The following PUDP variants were observed in gnomAD, a reference collection of about 807,000 sequenced individuals.
PUDP encodes pseudouridine 5'-phosphatase, also known as pseudouridine-5'-phosphatase.
A neutral mutation model predicts 9.4 loss-of-function variants in PUDP; 8 were observed. The observed-to-expected ratio is 0.85, with a 90% CI of 0.50 to 1.53. PUDP has a LOEUF of 1.53. Among genes scored for constraint, PUDP ranks in the 40% most tolerant of loss-of-function variants. The probability of loss-of-function intolerance (pLI) is 0.00; values close to 1 mark genes in which losing one functional copy is unlikely to be tolerated. For missense variants in PUDP, 188 were observed against 189.7 expected, an observed-to-expected ratio of 0.99 and a Z score of 0.05; for synonymous variants, 99 against 80.7, an observed-to-expected ratio of 1.23 and a Z score of -1.22.
chrX:6,889,490 T>C (rs1927481335), intron 3 of PUDP, among the ~76,000 whole-genome samples: 1 of 111,793 alleles, frequency 8.9e-6, no homozygotes, highest in Non-Finnish European at 1.9e-5. Flanking sequence ...TATCTTTCTA[T>C]TGAATTTGAT....
intron 3 of PUDP, among the ~76,000 whole-genome samples, chrX:6,777,306 C>T (rs1484427947): frequency 8.9e-6 from 1 of 111,941 alleles, no homozygotes; most frequent in African/African-American, 3.2e-5. Flanking sequence ...AGAACTTGTG[C>T]AGAAAGCCCT....
At chrX:6,924,779 T>TA (rs1266492832) in intron 3 of PUDP, among the ~76,000 whole-genome samples, 2 of 112,548 alleles carry the variant, frequency 1.8e-5, no homozygotes, top group East Asian at 2.8e-4. Context: ...TTGCATTTCT[T>TA]AAAAAAACAA....
chrX:7,130,347 C>T (rs1178638004), intron 1 of PUDP, among the ~76,000 whole-genome samples: 1 of 105,175 alleles, frequency 9.5e-6, no homozygotes, highest in East Asian at 3.0e-4. Flanking sequence ...GAGCTGCTCC[C>T]TTTGTATCAG....
At chrX:6,752,781 G>A (rs748636966) in intron 3 of PUDP, among the ~76,000 whole-genome samples, 1 of 111,073 alleles carries the variant, frequency 9.0e-6, no homozygotes, top group South Asian at 3.9e-4. Context: ...GGAAGAAGAG[G>A]GAAAAGATAT....
intron 3 of PUDP, among the ~76,000 whole-genome samples, chrX:6,794,396 A>G (rs1174156465): frequency 9.0e-6 from 1 of 111,719 alleles, no homozygotes; most frequent in East Asian, 2.8e-4. Flanking sequence ...CGGTTCCCCT[A>G]TATAGGGCAT....
rs750053455 is a variant in PUDP at position 6,970,659 on chromosome X, G to A, written c.*247+6474C>T. ...CAGGTGGCTCCAAACACAGACTTTC[G>A]GGATCTCATTTAGATGTATTAATAT... On this transcript the variant is annotated intron_variant and NMD_transcript_variant, in intron 3 of 3. Transcript: ENST00000655425. 1.2e-3 allele frequency among the ~76,000 whole-genome samples: 130 copies of A among 111,647 alleles called. 1 individual carries two copies. Among genetic ancestry groups the A allele is most frequent in the Non-Finnish European group, 1.9e-3 (103 of 53,129 alleles).
chrX:6,983,109 C>T (rs988945435), intron 1 of PUDP, among the ~76,000 whole-genome samples: 5 of 112,029 alleles, frequency 4.5e-5, no homozygotes, highest in Non-Finnish European at 9.4e-5. Context: ...CCAAGGGGTT[C>T]GCCTTGCCCG....
chrX:6,720,228 ATGTGTG>A (rs1924649583), intron 1 of PUDP, among the ~76,000 whole-genome samples: 1 of 83,899 alleles, frequency 1.2e-5, no homozygotes, highest in African/African-American at 4.6e-5. Context: ...ATGTGTATAT[ATGTGTG>A]TATATATGTA....
intron 1 of PUDP, among the ~76,000 whole-genome samples, chrX:7,011,500 TC>T: frequency 9.3e-6 from 1 of 108,015 alleles, no homozygotes; most frequent in Non-Finnish European, 1.9e-5. Flanking sequence ...CCTCTCTCCC[TC>T]CCTCCTTCCT....
intron 3 of PUDP, among the ~76,000 whole-genome samples, chrX:6,869,348 A>G (rs764358100): frequency 3.6e-5 from 4 of 112,263 alleles, no homozygotes; most frequent in African/African-American, 6.5e-5. Context: ...GAAGACTCCA[A>G]TGAATGGGAG....
rs1037295645 is a variant in PUDP, at chrX:6,867,615, T to C, written c.*247+109518A>G. Among the ~76,000 whole-genome samples the C allele has an allele frequency of 2.7e-5, 3 of 110,342 alleles. 1 individual carries two copies. The highest frequency in any genetic ancestry group is 9.7e-5 in the Admixed American group (1 of 10,322). On this transcript the variant is annotated intron_variant and NMD_transcript_variant, in intron 3 of 3. Coordinates refer to the PUDP transcript ENST00000655425. ...GTGACGGTGTTGTTGGTGATGGTGA[T>C]GTTGATGGCAATGGTGGTGTTGATG...
intron 1 of PUDP, among the ~76,000 whole-genome samples, chrX:6,707,623 C>A (rs1031727850): frequency 9.0e-6 from 1 of 111,028 alleles, no homozygotes; most frequent in East Asian, 2.9e-4. Flanking sequence ...TCCTATGAGA[C>A]TCTAATGGCA....
intron 2 of PUDP, among the ~76,000 whole-genome samples, chrX:7,091,027 T>C (rs768928195): frequency 8.9e-6 from 1 of 111,864 alleles, no homozygotes; most frequent in East Asian, 2.8e-4. Flanking sequence ...GAGTTTTACG[T>C]TGATATGAGA....
At chrX:6,830,763 A>C (rs1296062261) in intron 3 of PUDP, among the ~76,000 whole-genome samples, 1 of 112,315 alleles carries the variant, frequency 8.9e-6, no homozygotes, top group African/African-American at 3.2e-5. Context: ...GTAGATGCCA[A>C]AAATTGTTGA....
intron 3 of PUDP, among the ~76,000 whole-genome samples, chrX:6,878,515 C>T (rs1927299019): frequency 9.0e-6 from 1 of 110,811 alleles, no homozygotes; most frequent in Non-Finnish European, 1.9e-5. Context: ...ACCACTATGC[C>T]TGGCTAATTT....
At position 6,732,610 on chromosome X, in the gene PUDP, AGGAG is replaced by A. The variant is rs202044036; in HGVS notation, c.*248-26148_*248-26145del. Among the ~76,000 whole-genome samples the A allele has an allele frequency of 5.8e-3, 507 of 87,601 alleles. 7 individuals carry two copies. Among genetic ancestry groups the A allele is most frequent in the African/African-American group, 0.02 (465 of 23,831 alleles). 76.1% of individuals were successfully genotyped at this position (87,601 alleles called of 115,157 possible). A position where few individuals can be genotyped will look rare whatever the true frequency, so the allele number is the denominator to read the frequency against. On this transcript the variant is annotated intron_variant and NMD_transcript_variant, in intron 3 of 3. Transcript: ENST00000655425. The stretch of plus-strand genomic sequence containing the variant: ...GAGGGAGGAAGGAGAAGGGAAGGGA[AGGAG>A]GGAGGGAGGGAGGAAGAGAGGAAGG...
chrX:6,728,061 C>G (rs5948741), intron 3 of PUDP, among the ~76,000 whole-genome samples: 46,371 of 110,294 alleles, frequency 0.42, 8,401 homozygotes, highest in African/African-American at 0.69. Context: ...ACAGTTCCAC[C>G]TGGCTGGGGA....
chrX:6,914,852 G>T (rs1261419798), intron 3 of PUDP, among the ~76,000 whole-genome samples: 1 of 112,410 alleles, frequency 8.9e-6, no homozygotes, highest in Non-Finnish European at 1.9e-5. Context: ...GATATAAAGT[G>T]AACCACCCTC....
At chrX:6,732,612 G>C (rs1924823265) in intron 3 of PUDP, among the ~76,000 whole-genome samples, 1 of 101,668 alleles carries the variant, frequency 9.8e-6, no homozygotes, top group Admixed American at 1.1e-4. Flanking sequence ...GGAAGGGAAG[G>C]AGGGAGGGAG....
Sources: gnomAD v4.1 joint callset for allele counts (sites outside exome capture counted in the v4.1 genomes callset) on GRCh38, gnomAD v4.1.1 for gene constraint, MANE v1.5 for transcripts, NCBI Gene and HGNC (gene_info 2026-07-23, HGNC 2026-07-21) for gene names.